Variants in DIPK1A observed in about 807,000 individuals in gnomAD.
DIPK1A encodes the protein family with sequence similarity 69 member A.
A neutral mutation model predicts 40.8 loss-of-function variants in DIPK1A; 27 were observed. That is an observed-to-expected ratio of 0.66 (90% CI 0.49 to 0.91). The LOEUF is 0.91. Ranked by LOEUF, DIPK1A falls within the 40% of genes least tolerant of loss-of-function variation. The pLI, the probability that DIPK1A is intolerant of heterozygous loss-of-function variation, is 0.00. For synonymous variants in DIPK1A, 166 were observed against 171.3 expected (o/e 0.97, Z 0.24); for missense variants, 412 against 505.7 (o/e 0.81, Z 1.78).
intron 1 of DIPK1A, among the ~76,000 whole-genome samples, chr1:92,890,036 T>C (rs1648788636): frequency 6.6e-6 from 1 of 152,208 alleles, no homozygotes; most frequent in African/African-American, 2.4e-5. Flanking sequence ...TCTCCTTAAA[T>C]TTATTCCTAG....
intron 1 of DIPK1A, among the ~76,000 whole-genome samples, chr1:92,902,888 A>C (rs1279266625): frequency 6.6e-6 from 1 of 152,158 alleles, no homozygotes; most frequent in Non-Finnish European, 1.5e-5. Flanking sequence ...CTTTGTGAGG[A>C]TGATGACCAC....
Position 92,846,858 on chromosome 1 carries a change from T to TATATATACACACACAC in DIPK1A, c.474+324_474+325insGTGTGTGTGTATATAT, listed in dbSNP as rs1180408866. On this transcript the variant is annotated intron_variant, in intron 4 of 4. Coordinates refer to ENST00000370310, the MANE Select transcript of DIPK1A (RefSeq NM_001006605.5). The stretch of plus-strand genomic sequence containing the variant: ...ATATATATATGTGTGTATATATATA[T>TATATATACACACACAC]GTGTGTATATATATATATATATATA... 6.4e-3 allele frequency among the ~76,000 whole-genome samples: 31 copies of TATATATACACACACAC among 4,818 alleles called. 12 individuals carry two copies. Among genetic ancestry groups the TATATATACACACACAC allele is most frequent in the East Asian group, 0.034 (2 of 58 alleles). 3.2% of individuals were successfully genotyped at this position (4,818 alleles called of 152,430 possible). A position where few individuals can be genotyped will look rare whatever the true frequency, so the allele number is the denominator to read the frequency against.
rs770863952 is a variant in DIPK1A, at chr1:92,836,280, C to T, written c.475-3246G>A. ...CAATGTGGAAAGCATTGATGGTCAG[C>T]CAGGTGCCTTCACCTGCTATTTGGA... On this transcript the variant is annotated intron_variant, in intron 4 of 4. Coordinates refer to the DIPK1A transcript ENST00000615519. 2 of 1,614,054 alleles carry T rather than the reference C, an allele frequency of 1.2e-6. No individual in the cohort carries two copies. The highest frequency in any genetic ancestry group is 1.7e-6 in the Non-Finnish European group (2 of 1,179,962).
At chr1:92,844,246 G>T (rs1234616567) in intron 4 of DIPK1A, 51 bp from the exon 5 acceptor site, 1 of 1,132,050 alleles carries the variant, frequency 8.8e-7, no homozygotes, top group Non-Finnish European at 1.3e-6. Context: ...TACCTCCCAT[G>T]CAACATACTA....
rs773475799 is a variant in DIPK1A at position 92,947,310 on chromosome 1, G to A, written c.54+14066C>T. Among the ~76,000 whole-genome samples, 17 of 152,200 alleles carry A rather than the reference G, an allele frequency of 1.1e-4. No individual in the cohort carries two copies. In the South Asian group the frequency reaches 2.3e-3, roughly 20 times the overall value. On this transcript the variant is annotated intron_variant, in intron 1 of 4. Coordinates refer to ENST00000370310, the MANE Select transcript of DIPK1A (RefSeq NM_001006605.5). Reference sequence around the variant, plus strand: ...ATAAGCTGGGCAAATGATCTGAACAGACATTTCTCAAAAGAAGACATACAA... The same window carrying A: ...ATAAGCTGGGCAAATGATCTGAACAAACATTTCTCAAAAGAAGACATACAA...
At chr1:92,919,915 T>C (rs1424581390) in intron 1 of DIPK1A, among the ~76,000 whole-genome samples, 3 of 152,238 alleles carry the variant, frequency 2.0e-5, no homozygotes, top group Admixed American at 6.5e-5. Flanking sequence ...TCTTATCAAA[T>C]GGAAAACTGC....
In DIPK1A at chr1:92,834,859, T is replaced by C. The variant is rs1371606985; in HGVS notation, c.475-1825A>G. The C allele has an allele frequency of 5.0e-6, 8 of 1,606,912 alleles. No homozygotes were observed. Among genetic ancestry groups the C allele is most frequent in the Non-Finnish European group, 6.8e-6 (8 of 1,179,968 alleles). ...AACTGCCAAAATATGGTGTGAAGGT[T>C]GGCCTGACAAATTATGCTGCAGCAT... On this transcript the variant is annotated intron_variant, in intron 4 of 4. Transcript: ENST00000615519.
chr1:92,886,243 G>T (rs1557469381), intron 1 of DIPK1A, among the ~76,000 whole-genome samples: 1 of 152,172 alleles, frequency 6.6e-6, no homozygotes, highest in East Asian at 1.9e-4. Flanking sequence ...GAGGCAGGAG[G>T]ATTGCTTGAG....
At chr1:92,959,966 G>A (rs928605954) in intron 1 of DIPK1A, among the ~76,000 whole-genome samples, 1 of 116,090 alleles carries the variant, frequency 8.6e-6, no homozygotes, top group African/African-American at 3.4e-5. Flanking sequence ...ATGTTGCCCA[G>A]GCTGGTCTCA....
At chr1:92,862,383 G>C (rs184966585) in intron 2 of DIPK1A, among the ~76,000 whole-genome samples, 1 of 152,246 alleles carries the variant, frequency 6.6e-6, no homozygotes, top group Admixed American at 6.5e-5. Context: ...AGGCACCGAG[G>C]GAGGAAGCAG....
chr1:92,868,586 C>T (rs1647677004), intron 2 of DIPK1A, among the ~76,000 whole-genome samples: 1 of 152,152 alleles, frequency 6.6e-6, no homozygotes, highest in South Asian at 2.1e-4. Flanking sequence ...CGAAACATTG[C>T]TATTACATAT....
chr1:92,919,950 T>C (rs1220690859), intron 1 of DIPK1A, among the ~76,000 whole-genome samples: 1 of 152,250 alleles, frequency 6.6e-6, no homozygotes, highest in Non-Finnish European at 1.5e-5. Flanking sequence ...ATGTAATATT[T>C]GAGCCAAATC....
intron 1 of DIPK1A, among the ~76,000 whole-genome samples, chr1:92,924,301 T>C (rs534167297): frequency 2.6e-5 from 4 of 151,666 alleles, no homozygotes; most frequent in African/African-American, 9.8e-5. Context: ...TACTTCTTCC[T>C]TTTTAATCTT....
intron 1 of DIPK1A, 30 bp downstream of exon 1, chr1:92,961,346 C>T (rs1462568203): frequency 2.7e-6 from 4 of 1,484,350 alleles, no homozygotes; most frequent in South Asian, 1.2e-5. Context: ...GGTGCTCCCG[C>T]AGCTGGTGGC....
chr1:92,897,418 A>G (rs897925275), intron 1 of DIPK1A, among the ~76,000 whole-genome samples: 1 of 151,986 alleles, frequency 6.6e-6, no homozygotes, highest in Non-Finnish European at 1.5e-5. Context: ...AAAAAAACAA[A>G]CACCGCATGT....
chr1:92,868,945 GAC>G (rs1272886311), intron 2 of DIPK1A, among the ~76,000 whole-genome samples: 1 of 138,916 alleles, frequency 7.2e-6, no homozygotes, highest in Non-Finnish European at 1.5e-5. Flanking sequence ...CAGCCTGTGT[GAC>G]AGAGTGAGAC....
chr1:92,845,059 C>A (rs1215305797), intron 4 of DIPK1A, among the ~76,000 whole-genome samples: 1 of 150,484 alleles, frequency 6.6e-6, no homozygotes, highest in Non-Finnish European at 1.5e-5. Flanking sequence ...ATTCTCCTGC[C>A]TCACCCTCCC....
chr1:92,881,742 G>A (rs1648384330), intron 1 of DIPK1A, among the ~76,000 whole-genome samples: 1 of 152,096 alleles, frequency 6.6e-6, no homozygotes, highest in African/African-American at 2.4e-5. Context: ...TCCCAATTTG[G>A]CTTTTAGAAA....
chr1:92,891,983 C>G (rs890557457), intron 1 of DIPK1A, among the ~76,000 whole-genome samples: 11 of 152,084 alleles, frequency 7.2e-5, no homozygotes, highest in African/African-American at 2.7e-4. Flanking sequence ...ATTGCCGAGG[C>G]TTGAGTAGGT....
Sources: allele counts gnomAD v4.1 joint callset (sites outside exome capture counted in the v4.1 genomes callset), GRCh38; gene constraint gnomAD v4.1.1; transcripts MANE v1.5; gene names NCBI Gene and HGNC (gene_info 2026-07-23, HGNC 2026-07-21).